The following MSH4 variants were observed in gnomAD, a reference collection of about 807,000 sequenced individuals.
The protein encoded by MSH4 is mutS homolog 4.
MSH4 carries 106 observed loss-of-function variants against 113.7 expected under a neutral mutation model. The observed-to-expected ratio is 0.93, with a 90% CI of 0.80 to 1.10. MSH4 has a LOEUF of 1.10. MSH4 is among the 50% of genes least tolerant of loss of function. MSH4 has a pLI of 0.00. For missense variants in MSH4, 1,061 were observed against 1,093.7 expected, an observed-to-expected ratio of 0.97 and a Z score of 0.42; for synonymous variants, 368 against 380.2, an observed-to-expected ratio of 0.97 and a Z score of 0.37.
At chr1:75,876,879 T>C in intron 9 of MSH4, 57 bp from the exon 10 acceptor site, 1 of 956,566 alleles carries the variant, frequency 1.0e-6, no homozygotes, top group Non-Finnish European at 1.5e-6. Context: ...TAAAATGATA[T>C]GTTTGAATGA....
chr1:75,808,282 T>C lies in MSH4; in HGVS notation c.588+1141T>C, dbSNP rs548887132. ...GATATGCATTTATACATTTTGCTTT[T>C]TGACTAATTTCTAATTTTTGACTAA... On this transcript the variant is annotated intron_variant, in intron 3 of 19. Transcript: ENST00000263187. Among the ~76,000 whole-genome samples, 3 of 152,300 alleles carry C rather than the reference T, an allele frequency of 2.0e-5. No individual in the cohort carries two copies. The South Asian group carries it at 6.2e-4, about 32-fold the overall frequency.
intron 17 of MSH4, among the ~76,000 whole-genome samples, chr1:75,893,339 T>G (rs1326857056): frequency 6.6e-6 from 1 of 152,144 alleles, no homozygotes; most frequent in Non-Finnish European, 1.5e-5. Context: ...ATGCCAGAAT[T>G]ACAACACAAG....
In MSH4 at chr1:75,831,796, G is replaced by A. The variant is rs532342007; in HGVS notation, c.1162+9215G>A. ...CACACATTTAAAGCAGTGTGTAGAGGGAAGTTTATAGCACTAAATGCCCAC... is the reference window on the plus strand; with the variant it reads ...CACACATTTAAAGCAGTGTGTAGAGAGAAGTTTATAGCACTAAATGCCCAC... On this transcript the variant is annotated intron_variant, in intron 7 of 19. Coordinates refer to ENST00000263187, the MANE Select transcript of MSH4 (RefSeq NM_002440.4). 2.1e-4 allele frequency among the ~76,000 whole-genome samples: 32 copies of A among 152,246 alleles called. No individual in the cohort carries two copies. The South Asian group carries it at 6.6e-3, about 32-fold the overall frequency.
intron 19 of MSH4, among the ~76,000 whole-genome samples, chr1:75,909,622 T>C (rs1377859250): frequency 1.3e-5 from 2 of 152,180 alleles, no homozygotes; most frequent in East Asian, 3.9e-4. Flanking sequence ...ATATTTGTCC[T>C]AATGCTATCC....
intron 18 of MSH4, among the ~76,000 whole-genome samples, chr1:75,898,755 T>C (rs1198477891): frequency 6.6e-6 from 1 of 152,170 alleles, no homozygotes; most frequent in African/African-American, 2.4e-5. Flanking sequence ...GAATTTTCAA[T>C]TGGTCTGTAC....
At chr1:75,911,331 A>G (rs1652782248) in intron 19 of MSH4, among the ~76,000 whole-genome samples, 2 of 152,112 alleles carry the variant, frequency 1.3e-5, no homozygotes, top group African/African-American at 4.8e-5. Flanking sequence ...ATTTCATCAT[A>G]TTGACCTGAT....
chr1:75,870,571 A>G (rs1054856472), intron 9 of MSH4, among the ~76,000 whole-genome samples: 6 of 152,152 alleles, frequency 3.9e-5, no homozygotes, highest in African/African-American at 1.2e-4. Flanking sequence ...CTGGTAGTGA[A>G]TAAGTCTCAC....
intron 7 of MSH4, among the ~76,000 whole-genome samples, chr1:75,824,560 G>C (rs1037446342): frequency 6.6e-6 from 1 of 152,162 alleles, no homozygotes; most frequent in African/African-American, 2.4e-5. Context: ...CCTATATCCT[G>C]AATGGTATTG....
chr1:75,859,424 C>G (rs1651401593), intron 8 of MSH4, among the ~76,000 whole-genome samples: 1 of 152,238 alleles, frequency 6.6e-6, no homozygotes, highest in Admixed American at 6.5e-5. Flanking sequence ...CCTCTACACA[C>G]TGCTTTAAAT....
chr1:75,888,135 T>A lies in MSH4; in HGVS notation c.2108-1116T>A, dbSNP rs143400539. Among the ~76,000 whole-genome samples the A allele has an allele frequency of 7.9e-5, 12 of 151,478 alleles. No individual in the cohort carries two copies. In the Admixed American group the frequency reaches 7.9e-4, roughly 10 times the overall value. The stretch of plus-strand genomic sequence containing the variant: ...TCATTAATATTAATCTGACTTTTGG[T>A]TTCTTTTCTTGCTACTCCTTATTCC... On this transcript the variant is annotated intron_variant, in intron 15 of 19. Coordinates refer to ENST00000263187, the MANE Select transcript of MSH4 (RefSeq NM_002440.4).
chr1:75,865,516 C>T (rs1269135440), intron 8 of MSH4, among the ~76,000 whole-genome samples: 2 of 152,062 alleles, frequency 1.3e-5, no homozygotes, highest in African/African-American at 2.4e-5. Flanking sequence ...TAGGGTTGGT[C>T]GAGAGGCAGA....
chr1:75,885,237 A>G (rs1447974345), intron 15 of MSH4, among the ~76,000 whole-genome samples: 2 of 143,224 alleles, frequency 1.4e-5, no homozygotes, highest in African/African-American at 5.1e-5. Flanking sequence ...ATATAAATAT[A>G]TATATTATAT....
chr1:75,912,666 A>C, intron 19 of MSH4, 30 bp from the exon 20 acceptor site: 1 of 1,223,708 alleles, frequency 8.2e-7, no homozygotes. Context: ...TTGTGTATAT[A>C]TATATATATT....
Position 75,796,963 on chromosome 1 carries a change from C to T in MSH4, c.-23C>T, listed in dbSNP as rs1355433675. The stretch of plus-strand genomic sequence containing the variant: ...GGTCGCTCAGAAACCTCATACTTCT[C>T]GGGTCAGGGAAGGTTTGGGAGGATG... On this transcript the variant is annotated 5_prime_UTR_variant, in exon 1 of 20. Coordinates refer to ENST00000263187, the MANE Select transcript of MSH4 (RefSeq NM_002440.4). 17 of 1,612,782 alleles carry T rather than the reference C, an allele frequency of 1.1e-5. No homozygotes were observed. Among genetic ancestry groups the T allele is most frequent in the Admixed American group, 1.7e-5 (1 of 59,964 alleles).
At chr1:75,905,201 G>A (rs987002180) in intron 19 of MSH4, among the ~76,000 whole-genome samples, 3 of 149,850 alleles carry the variant, frequency 2.0e-5, no homozygotes, top group South Asian at 2.1e-4. Context: ...TGCTATAAAC[G>A]TTTCTCTTAG....
intron 7 of MSH4, among the ~76,000 whole-genome samples, chr1:75,841,605 A>G (rs1489613784): frequency 6.6e-6 from 1 of 152,212 alleles, no homozygotes; most frequent in Non-Finnish European, 1.5e-5. Flanking sequence ...AGACTAGACT[A>G]TGAAGGGCCT....
At chr1:75,848,693 C>T (rs754162765) in intron 8 of MSH4, among the ~76,000 whole-genome samples, 7 of 151,934 alleles carry the variant, frequency 4.6e-5, no homozygotes, top group East Asian at 1.9e-4. Context: ...GAGCTGTGTT[C>T]GCATCACTGC....
At chr1:75,869,548 G>A (rs1478180306) in intron 9 of MSH4, among the ~76,000 whole-genome samples, 1 of 152,130 alleles carries the variant, frequency 6.6e-6, no homozygotes, top group African/African-American at 2.4e-5. Flanking sequence ...TTCTGGCCCC[G>A]CTTGCTCTGT....
At chr1:75,855,103 T>C (rs899893512) in intron 8 of MSH4, among the ~76,000 whole-genome samples, 19 of 152,196 alleles carry the variant, frequency 1.2e-4, no homozygotes, top group African/African-American at 4.6e-4. Context: ...AGTGGTGTGA[T>C]CATAGTTTAC....
Sources: gnomAD v4.1 joint callset for allele counts (sites outside exome capture counted in the v4.1 genomes callset) on GRCh38, gnomAD v4.1.1 for gene constraint, MANE v1.5 for transcripts, NCBI Gene and HGNC (gene_info 2026-07-23, HGNC 2026-07-21) for gene names.